The following CDC42BPA variants were observed in gnomAD, a reference collection of about 807,000 sequenced individuals.
The protein encoded by CDC42BPA is CDC42 binding protein kinase alpha.
A neutral mutation model predicts 223.5 loss-of-function variants in CDC42BPA; 80 were observed. The ratio of observed to expected loss-of-function variants is 0.36; its 90% CI spans 0.30 to 0.43. CDC42BPA has a LOEUF of 0.43. Among genes scored for constraint, CDC42BPA ranks in the 20% least tolerant of loss-of-function variants. The probability of loss-of-function intolerance (pLI) is 1.00; values close to 1 mark genes in which losing one functional copy is unlikely to be tolerated. For synonymous variants in CDC42BPA, 694 were observed against 718.6 expected, an observed-to-expected ratio of 0.97 and a Z score of 0.55; for missense variants, 1,743 against 2,099.9, an observed-to-expected ratio of 0.83 and a Z score of 3.32.
At chr1:227,215,719 T>A (rs1441219067) in intron 2 of CDC42BPA, among the ~76,000 whole-genome samples, 1 of 152,206 alleles carries the variant, frequency 6.6e-6, no homozygotes, top group Non-Finnish European at 1.5e-5. Context: ...ACTCTACCTC[T>A]AATATGTGGC....
At chr1:227,026,416 C>T (rs992043660) in intron 30 of CDC42BPA, among the ~76,000 whole-genome samples, 1 of 151,956 alleles carries the variant, frequency 6.6e-6, no homozygotes, top group African/African-American at 2.4e-5. Flanking sequence ...ATTTCTTTGC[C>T]CAACATGAGT....
chr1:227,172,929 A>G (rs1254399997), intron 5 of CDC42BPA, among the ~76,000 whole-genome samples: 7 of 152,222 alleles, frequency 4.6e-5, no homozygotes, highest in Admixed American at 1.3e-4. Context: ...AGTATAGCCA[A>G]TAGCATCTGA....
intron 9 of CDC42BPA, among the ~76,000 whole-genome samples, chr1:227,142,456 G>A (rs1248902269): frequency 3.9e-5 from 6 of 152,074 alleles, no homozygotes; most frequent in East Asian, 1.9e-4. Flanking sequence ...CCTCCAAAAC[G>A]AGTTAAGATT....
chr1:227,219,583 C>T (rs956680656), intron 2 of CDC42BPA, among the ~76,000 whole-genome samples: 5 of 152,016 alleles, frequency 3.3e-5, no homozygotes, highest in South Asian at 2.1e-4. Flanking sequence ...ATAAATGATG[C>T]GTTTATTTTC....
At chr1:227,041,659 A>G (rs539888337) in intron 23 of CDC42BPA, among the ~76,000 whole-genome samples, 58 of 152,318 alleles carry the variant, frequency 3.8e-4, no homozygotes, top group African/African-American at 1.4e-3. Flanking sequence ...AAACCTGACT[A>G]CCAGCATTAG....
At chr1:227,217,511 T>C (rs1675080380) in intron 2 of CDC42BPA, among the ~76,000 whole-genome samples, 1 of 151,788 alleles carries the variant, frequency 6.6e-6, no homozygotes, top group South Asian at 2.1e-4. Context: ...ACCTCTCTAC[T>C]ACTTCTGCCC....
intron 2 of CDC42BPA, among the ~76,000 whole-genome samples, chr1:227,224,145 A>G (rs1676420294): frequency 6.6e-6 from 1 of 151,314 alleles, no homozygotes; most frequent in South Asian, 2.1e-4. Flanking sequence ...CTGCTTATTA[A>G]TAGTTTATAG....
intron 5 of CDC42BPA, among the ~76,000 whole-genome samples, chr1:227,190,321 T>C (rs1669500173): frequency 2.0e-5 from 3 of 152,216 alleles, no homozygotes; most frequent in Admixed American, 6.5e-5. Context: ...TACTAACTAA[T>C]GTCTCTGAAG....
At position 227,033,388 on chromosome 1, in the gene CDC42BPA, G is replaced by A. The variant is rs201643732; in HGVS notation, c.3504C>T (p.Val1168=). ...TTGCATGGATAACATCAGAAGCCAA[G>A]ACTGAACTCACAGAAAATTCTTCAT... is the stretch of plus-strand genomic sequence containing the variant. ...MRDEEFSVSS[V]LASDVIHASR... Residue 1168 remains valine, a synonymous_variant, in exon 27 of 37, where the codon GTC becomes GTT. Coordinates refer to ENST00000366766, the MANE Select transcript of CDC42BPA (RefSeq NM_001394014.1). The A allele has an allele frequency of 2.5e-6, 4 of 1,613,456 alleles. No homozygotes were observed. The highest frequency in any genetic ancestry group is 1.7e-5 in the Admixed American group (1 of 60,006).
chr1:227,080,862 T>C (rs1406220536), intron 17 of CDC42BPA, 31 bp downstream of exon 17: 7 of 1,611,632 alleles, frequency 4.3e-6, no homozygotes, highest in East Asian at 2.2e-5. Context: ...CTCACAATCA[T>C]CCACAAAAAA....
intron 32 of CDC42BPA, among the ~76,000 whole-genome samples, chr1:227,018,063 T>C (rs754378166): frequency 2.4e-3 from 206 of 84,578 alleles, no homozygotes; most frequent in South Asian, 4.3e-3. Context: ...TATTATTTAT[T>C]TGAGGCAGGG....
At chr1:227,114,388 A>C (rs1278909341) in intron 12 of CDC42BPA, among the ~76,000 whole-genome samples, 1 of 151,982 alleles carries the variant, frequency 6.6e-6, no homozygotes. Flanking sequence ...GGCTTCATAT[A>C]AACAAAACTG....
intron 1 of CDC42BPA, among the ~76,000 whole-genome samples, chr1:227,279,330 A>C (rs909984662): frequency 2.0e-5 from 3 of 152,156 alleles, no homozygotes; most frequent in Admixed American, 6.5e-5. Context: ...AAAAGAAAGG[A>C]AATAAGTTAC....
chr1:227,275,255 T>TGGACGGGCGCGGTGGCTCACGCCTG (rs1553430254), intron 1 of CDC42BPA, among the ~76,000 whole-genome samples: 1 of 149,300 alleles, frequency 6.7e-6, no homozygotes, highest in Non-Finnish European at 1.5e-5. Flanking sequence ...GCAGAGGGCA[T>TGGACGGGCGCGGTGGCTCACGCCTG]TTAGAATGGA....
chr1:227,158,933 T>C (rs2149790823), intron 6 of CDC42BPA, among the ~76,000 whole-genome samples: 1 of 152,282 alleles, frequency 6.6e-6, no homozygotes, highest in Admixed American at 6.5e-5. Context: ...GCTTTCACTC[T>C]AGCTTTCTGC....
chr1:227,306,296 G>A (rs894861571), intron 1 of CDC42BPA, among the ~76,000 whole-genome samples: 3 of 152,116 alleles, frequency 2.0e-5, no homozygotes, highest in East Asian at 1.9e-4. Context: ...ATCCAGGAAC[G>A]TAACCCATTT....
chr1:227,012,683 C>T (rs1665449715), intron 34 of CDC42BPA, among the ~76,000 whole-genome samples: 1 of 152,062 alleles, frequency 6.6e-6, no homozygotes, highest in Non-Finnish European at 1.5e-5. Flanking sequence ...TATTTAAAAA[C>T]ATATATGTTA....
chr1:227,264,968 T>A, intron 1 of CDC42BPA: 2 of 950,200 alleles, frequency 2.1e-6, no homozygotes, highest in Non-Finnish European at 1.7e-6. Flanking sequence ...TTGTATAACC[T>A]CATTTGGGCA....
intron 35 of CDC42BPA, among the ~76,000 whole-genome samples, chr1:226,997,295 T>C (rs1157649028): frequency 6.6e-6 from 1 of 152,226 alleles, no homozygotes; most frequent in Non-Finnish European, 1.5e-5. Flanking sequence ...GTGGGATCAG[T>C]GGTGATCTCC....
Sources: allele counts gnomAD v4.1 joint callset (sites outside exome capture counted in the v4.1 genomes callset), GRCh38; gene constraint gnomAD v4.1.1; transcripts MANE v1.5; gene names NCBI Gene and HGNC (gene_info 2026-07-23, HGNC 2026-07-21).